Variants in TTC23 observed in about 807,000 individuals in gnomAD.
The protein encoded by TTC23 is tetratricopeptide repeat domain 23, also known as tetratricopeptide repeat protein 23.
In TTC23, 58 loss-of-function variants were observed where a neutral mutation model predicts 55.1. The ratio of observed to expected loss-of-function variants is 1.05; its 90% CI spans 0.85 to 1.31. TTC23 has a LOEUF of 1.31. Among genes scored for constraint, TTC23 ranks in the 50% most tolerant of loss-of-function variants. The pLI is 0.00. For missense variants in TTC23, 516 were observed against 534.4 expected, an observed-to-expected ratio of 0.97 and a Z score of 0.34; for synonymous variants, 203 against 199.9, an observed-to-expected ratio of 1.02 and a Z score of -0.13.
intron 9 of TTC23, among the ~76,000 whole-genome samples, chr15:99,188,549 G>A (rs2074941640): frequency 6.6e-6 from 1 of 151,940 alleles, no homozygotes; most frequent in Non-Finnish European, 1.5e-5. Flanking sequence ...TACAACATAT[G>A]TCATAAACAA....
intron 11 of TTC23, chr15:99,158,634 C>G (rs1282111153): frequency 2.6e-5 from 4 of 152,302 alleles, no homozygotes; most frequent in Admixed American, 6.5e-5. Context: ...AAGAGTGGCA[C>G]AACTAGAAGA....
In TTC23 at chr15:99,139,450, C is replaced by A. The variant is rs181987; in HGVS notation, c.1144-51G>T. ...GAGGCTATGGAAGTGTCGCTGAGAG[C>A]AGGAAACTAAGGTCTCCCTTGAATG... On this transcript the variant is annotated intron_variant, in intron 12 of 13. Coordinates refer to ENST00000394132, the MANE Select transcript of TTC23 (RefSeq NM_001288615.3). The A allele has an allele frequency of 0.15, 236,334 of 1,611,276 alleles. 17,809 individuals are homozygous for A. Among genetic ancestry groups the A allele is most frequent in the Admixed American group, 0.21 (12,374 of 59,588 alleles).
intron 10 of TTC23, among the ~76,000 whole-genome samples, chr15:99,162,956 A>G (rs1344738494): frequency 2.0e-5 from 3 of 151,984 alleles, no homozygotes; most frequent in Non-Finnish European, 4.4e-5. Flanking sequence ...GATGATGTGC[A>G]CCTGTTGTCC....
chr15:99,139,606 T>C (rs1364833951), intron 12 of TTC23: 1 of 1,526,078 alleles, frequency 6.6e-7, no homozygotes, highest in African/African-American at 1.4e-5. Context: ...TTTAGCACTA[T>C]TTCACAAAAC....
chr15:99,161,711 C>T (rs766887668), intron 11 of TTC23, 29 bp downstream of exon 11: 118 of 1,599,854 alleles, frequency 7.4e-5, no homozygotes, highest in Non-Finnish European at 9.7e-5. Context: ...CTGTGAATAA[C>T]TAGACAATTG....
intron 9 of TTC23, among the ~76,000 whole-genome samples, chr15:99,177,879 A>G (rs2073742596): frequency 6.6e-6 from 1 of 152,192 alleles, no homozygotes; most frequent in Non-Finnish European, 1.5e-5. Context: ...AATACACACA[A>G]TATCAAGAAA....
intron 9 of TTC23, among the ~76,000 whole-genome samples, chr15:99,190,271 T>C (rs1030114067): frequency 2.0e-5 from 3 of 147,240 alleles, no homozygotes; most frequent in African/African-American, 7.5e-5. Flanking sequence ...TTTTTTTTTG[T>C]TTGTTTTTGT....
chr15:99,208,105 C>T (rs1373761797), intron 8 of TTC23, among the ~76,000 whole-genome samples: 1 of 152,012 alleles, frequency 6.6e-6, no homozygotes, highest in Non-Finnish European at 1.5e-5. Context: ...GAAAGTCAGA[C>T]AATTACACAC....
intron 9 of TTC23, among the ~76,000 whole-genome samples, chr15:99,185,912 G>C (rs973541625): frequency 6.6e-6 from 1 of 152,024 alleles, no homozygotes; most frequent in Non-Finnish European, 1.5e-5. Context: ...GAACTTTTCT[G>C]TATTTTACAG....
intron 12 of TTC23, 153 bp from the exon 13 acceptor site, chr15:99,139,552 C>T (rs1225821567): frequency 6.5e-7 from 1 of 1,546,754 alleles, no homozygotes; most frequent in Non-Finnish European, 8.7e-7. Context: ...AGTGACTGAC[C>T]TTTGGTTTGG....
intron 6 of TTC23, among the ~76,000 whole-genome samples, chr15:99,220,942 T>C (rs958410615): frequency 2.0e-5 from 3 of 152,150 alleles, no homozygotes; most frequent in African/African-American, 7.2e-5. Context: ...GCACATCCAA[T>C]CCATGAGATG....
At chr15:99,178,887 A>C (rs2073857136) in intron 9 of TTC23, among the ~76,000 whole-genome samples, 1 of 152,152 alleles carries the variant, frequency 6.6e-6, no homozygotes, top group African/African-American at 2.4e-5. Context: ...CATTTGCTAT[A>C]ACCAGAAAGA....
intron 9 of TTC23, among the ~76,000 whole-genome samples, chr15:99,183,024 T>C (rs181428934): frequency 2.0e-4 from 30 of 152,258 alleles, no homozygotes; most frequent in African/African-American, 7.0e-4. Context: ...AACTGGGTAA[T>C]GGGCAGAGGT....
chr15:99,177,703 A>G (rs2073724497), intron 9 of TTC23, among the ~76,000 whole-genome samples: 1 of 152,236 alleles, frequency 6.6e-6, no homozygotes, highest in Non-Finnish European at 1.5e-5. Flanking sequence ...CCAAAACAAG[A>G]AAGATTTTAT....
chr15:99,180,175 C>T (rs574622470), intron 9 of TTC23, among the ~76,000 whole-genome samples: 42 of 152,250 alleles, frequency 2.8e-4, no homozygotes, highest in African/African-American at 9.9e-4. Flanking sequence ...TGCATTTCCC[C>T]TCATGTCTTT....
intron 2 of TTC23, among the ~76,000 whole-genome samples, chr15:99,244,648 ACATGGACATTC>A (rs974236990): frequency 2.0e-5 from 3 of 152,194 alleles, no homozygotes; most frequent in Admixed American, 2.0e-4. Flanking sequence ...AGATCTAAAT[ACATGGACATTC>A]CATGTTCATA....
In TTC23 at chr15:99,161,798, T is replaced by G. The variant is rs746704896; in HGVS notation, c.935A>C (p.Lys312Thr). Residue 312 changes from lysine (K) to threonine (T), a missense_variant, in exon 11 of 14, where the codon AAA becomes ACA. By Grantham distance (78) the Lys-to-Thr change is moderately conservative (BLOSUM62 -1). Coordinates refer to ENST00000394132, the MANE Select transcript of TTC23 (RefSeq NM_001288615.3). ...LKDSEGMGRTKFLSIQDEFCH... is the reference protein window; with the variant it reads ...LKDSEGMGRTTFLSIQDEFCH... ...AAATTCATCTTGAATTGAAAGAAAT[T>G]TGGTTCTTCCCATCCCTTCAGAATC... 2 of 1,613,630 alleles carry G rather than the reference T, an allele frequency of 1.2e-6. No individual in the cohort carries two copies. The highest frequency in any genetic ancestry group is 1.3e-5 in the African/African-American group (1 of 74,932).
intron 9 of TTC23, among the ~76,000 whole-genome samples, chr15:99,196,293 CAAA>C (rs2151980843): frequency 6.6e-6 from 1 of 151,866 alleles, no homozygotes; most frequent in Non-Finnish European, 1.5e-5. Context: ...TAAGAACAAA[CAAA>C]GAAAAAACTG....
At chr15:99,229,737 T>G (rs1567545775) in intron 4 of TTC23, among the ~76,000 whole-genome samples, 1 of 152,366 alleles carries the variant, frequency 6.6e-6, no homozygotes, top group South Asian at 2.1e-4. Flanking sequence ...AACAGTGTTT[T>G]GTGCTAACGT....
Sources: allele counts gnomAD v4.1 joint callset (sites outside exome capture counted in the v4.1 genomes callset), GRCh38; gene constraint gnomAD v4.1.1; transcripts MANE v1.5; gene names NCBI Gene and HGNC (gene_info 2026-07-23, HGNC 2026-07-21).